The following H2BC5 variants were observed in gnomAD, a reference collection of about 807,000 sequenced individuals.
H2BC5 encodes the protein H2B clustered histone 5, also known as histone H2B type 1-D.
In H2BC5, 9 loss-of-function variants were observed where a neutral mutation model predicts 5.7. The observed-to-expected ratio is 1.57, with a 90% CI of 0.95 to 2.74. H2BC5 has a LOEUF of 2.74. H2BC5 is among the 30% of genes most tolerant of loss of function. H2BC5 has a pLI of 0.00. For synonymous variants in H2BC5, 133 were observed against 70.9 expected (o/e 1.88, Z -4.40); for missense variants, 175 against 168.8 (o/e 1.04, Z -0.20).
At chr6:26,166,850 A>G (rs903186351) in intron 1 of H2BC5, among the ~76,000 whole-genome samples, 1 of 151,026 alleles carries the variant, frequency 6.6e-6, no homozygotes, top group African/African-American at 2.4e-5. Context: ...ACAGGCATGC[A>G]CCACCATGTC....
At chr6:26,171,257 G>A (rs1341639157) in exon 2 of H2BC5, 1 of 152,126 alleles carries the variant, frequency 6.6e-6, no homozygotes, top group African/African-American at 2.4e-5. Flanking sequence ...TACTTGCCAT[G>A]GACTACCTTT....
rs1764266072 is a variant in H2BC5 at position 26,158,181 on chromosome 6, T to C, written c.12T>C (p.Pro4=). The C allele has an allele frequency of 6.2e-7, 1 of 1,613,866 alleles. No individual in the cohort carries two copies. The highest frequency in any genetic ancestry group is 1.1e-5 in the South Asian group (1 of 91,082). The change falls in exon 1 of 1, where the codon CCT becomes CCC. Residue 4 remains proline (P), a synonymous_variant. Coordinates refer to ENST00000377777, the MANE Select transcript of H2BC5 (RefSeq NM_021063.4). Reference sequence around the variant, plus strand: ...CTATTAACGCTACGATGCCTGAACCTACCAAGTCTGCTCCTGCCCCAAAGA... The same window carrying C: ...CTATTAACGCTACGATGCCTGAACCCACCAAGTCTGCTCCTGCCCCAAAGA... MPE[P]TKSAPAPKKG... is the part of the protein sequence containing the mutation.
At chr6:26,169,327 GC>G (rs1764483231) in intron 1 of H2BC5, among the ~76,000 whole-genome samples, 1 of 152,110 alleles carries the variant, frequency 6.6e-6, no homozygotes, top group Admixed American at 6.5e-5. Context: ...ACCTCCTGGA[GC>G]CCTCAGTTAA....
intron 1 of H2BC5, among the ~76,000 whole-genome samples, chr6:26,169,790 C>A (rs1764490439): frequency 6.6e-6 from 1 of 151,922 alleles, no homozygotes; most frequent in Non-Finnish European, 1.5e-5. Flanking sequence ...GAAACCCCGT[C>A]TCTACTAAAA....
chr6:26,159,256 T>TG (rs1561968530), downstream of H2BC5, among the ~76,000 whole-genome samples: 266 of 141,444 alleles, frequency 1.9e-3, 4 homozygotes, highest in East Asian at 0.016. Flanking sequence ...TTTTTTTTTT[T>TG]TTTTTTTTTT....
exon 2 of H2BC5, chr6:26,171,318 TATAATTA>T (rs1764510611): frequency 6.6e-6 from 1 of 152,212 alleles, no homozygotes; most frequent in Admixed American, 6.5e-5. Context: ...AAAAAAAAGT[TATAATTA>T]ATAAAATCTG....
intron 1 of H2BC5, among the ~76,000 whole-genome samples, chr6:26,168,335 G>A (rs527762202): frequency 9.9e-5 from 15 of 151,908 alleles, no homozygotes; most frequent in Non-Finnish European, 2.1e-4. Flanking sequence ...GCACATGCTC[G>A]TAATCCTAGC....
chr6:26,159,415 T>C (rs557710457), downstream of H2BC5, among the ~76,000 whole-genome samples: 30 of 152,078 alleles, frequency 2.0e-4, no homozygotes, highest in Non-Finnish European at 3.5e-4. Context: ...TAGATGCCCC[T>C]GAGTACGGAG....
rs541132465 is a variant in H2BC5 at position 26,158,164 on chromosome 6, G to A, written c.-6G>A. 3.7e-6 allele frequency: 6 copies of A among 1,611,528 alleles called. No individual in the cohort carries two copies. Among genetic ancestry groups the A allele is most frequent in the East Asian group, 4.5e-5 (2 of 44,874 alleles). On this transcript the variant is annotated 5_prime_UTR_variant, in exon 1 of 1. Coordinates refer to ENST00000377777, the MANE Select transcript of H2BC5 (RefSeq NM_021063.4). ...TTGCAACAGTGTTCTAACTATTAAC[G>A]CTACGATGCCTGAACCTACCAAGTC...
At chr6:26,166,692 C>CT (rs139697089) in intron 1 of H2BC5, among the ~76,000 whole-genome samples, 1,512 of 90,140 alleles carry the variant, frequency 0.017, 24 homozygotes, top group African/African-American at 0.025. Flanking sequence ...ATACTTTTGG[C>CT]TTTTTTTTTT....
downstream of H2BC5, chr6:26,158,700 T>G: frequency 7.9e-7 from 1 of 1,258,030 alleles, no homozygotes; most frequent in Non-Finnish European, 1.1e-6. Flanking sequence ...ACGTTAGTAC[T>G]GCAGAGGAAA....
At chr6:26,168,466 A>G (rs1336098843) in intron 1 of H2BC5, among the ~76,000 whole-genome samples, 1 of 152,014 alleles carries the variant, frequency 6.6e-6, no homozygotes. Context: ...TTTTTAAAAA[A>G]AAAAAATAAA....
chr6:26,164,392 G>C, intron 1 of H2BC5: 1 of 230,942 alleles, frequency 4.3e-6, no homozygotes, highest in Non-Finnish European at 9.5e-6. Context: ...TGGGCAAGAA[G>C]TGCATGGCCA....
chr6:26,167,895 T>A (rs1173896786), intron 1 of H2BC5, among the ~76,000 whole-genome samples: 2 of 151,726 alleles, frequency 1.3e-5, no homozygotes, highest in African/African-American at 2.4e-5. Flanking sequence ...TTATTTATTT[T>A]TATTTTTTTA....
intron 1 of H2BC5, among the ~76,000 whole-genome samples, chr6:26,169,907 A>C (rs980568182): frequency 1.4e-4 from 21 of 151,986 alleles, no homozygotes; most frequent in Non-Finnish European, 2.6e-4. Flanking sequence ...TCTCAAAAAA[A>C]AGAAAAAAAA....
intron 1 of H2BC5, among the ~76,000 whole-genome samples, chr6:26,170,706 G>T (rs1038509060): frequency 6.6e-6 from 1 of 152,206 alleles, no homozygotes; most frequent in Non-Finnish European, 1.5e-5. Flanking sequence ...ATGAAAGGGA[G>T]AGAATATGAG....
At chr6:26,166,885 G>A (rs191668974) in intron 1 of H2BC5, among the ~76,000 whole-genome samples, 1 of 151,380 alleles carries the variant, frequency 6.6e-6, no homozygotes, top group Non-Finnish European at 1.5e-5. Flanking sequence ...ACTTTTAGTA[G>A]AGATGGGGTT....
downstream of H2BC5, among the ~76,000 whole-genome samples, chr6:26,159,243 G>GGT (rs1764304522): frequency 3.3e-5 from 2 of 61,402 alleles, no homozygotes; most frequent in Non-Finnish European, 6.2e-5. Context: ...TAATTTATAG[G>GGT]TTTTTTTTTT....
In H2BC5 at chr6:26,158,165, C is replaced by T. The variant is rs1474080364; in HGVS notation, c.-5C>T. The T allele has an allele frequency of 1.2e-6, 2 of 1,612,056 alleles. No homozygotes were observed. Among genetic ancestry groups the T allele is most frequent in the Non-Finnish European group, 1.7e-6 (2 of 1,179,260 alleles). On this transcript the variant is annotated 5_prime_UTR_variant, in exon 1 of 1. Transcript: ENST00000377777. ...TGCAACAGTGTTCTAACTATTAACG[C>T]TACGATGCCTGAACCTACCAAGTCT...
Sources: gnomAD v4.1 joint callset for allele counts (sites outside exome capture counted in the v4.1 genomes callset) on GRCh38, gnomAD v4.1.1 for gene constraint, MANE v1.5 for transcripts, NCBI Gene and HGNC (gene_info 2026-07-23, HGNC 2026-07-21) for gene names.